Variants in TENM3 observed in about 807,000 individuals in gnomAD.
TENM3 encodes teneurin transmembrane protein 3, also known as teneurin-3.
TENM3 carries 63 observed loss-of-function variants against 255.1 expected under a neutral mutation model. The ratio of observed to expected loss-of-function variants is 0.25; its 90% CI spans 0.20 to 0.30. TENM3 has a LOEUF of 0.30. Among genes scored for constraint, TENM3 ranks in the 10% least tolerant of loss-of-function variants. The probability of loss-of-function intolerance (pLI) is 1.00; values close to 1 mark genes in which losing one functional copy is unlikely to be tolerated. For synonymous variants in TENM3, 1,306 were observed against 1,322.3 expected, an observed-to-expected ratio of 0.99 and a Z score of 0.27; for missense variants, 2,929 against 3,461.1, an observed-to-expected ratio of 0.85 and a Z score of 3.86.
At position 182,184,812 on chromosome 4, in the gene TENM3, C is replaced by T. The variant is rs1305433079; in HGVS notation, c.-76+40058C>T. On this transcript the variant is annotated intron_variant, in intron 1 of 2. Coordinates refer to the TENM3 transcript ENST00000512480. ...GTGAAAAACCTCTATTTTGGCCGGG[C>T]GTGGTGGCTCACACCTGTGATCCCT... Among the ~76,000 whole-genome samples the T allele has an allele frequency of 5.9e-5, 9 of 152,004 alleles. No individual in the cohort carries two copies. In the South Asian group the frequency reaches 6.2e-4, roughly 11 times the overall value.
At chr4:182,051,521 G>A in the TENM3 span, among the ~76,000 whole-genome samples, 1 of 151,662 alleles carries the variant, frequency 6.6e-6, no homozygotes, top group African/African-American at 2.4e-5. Flanking sequence ...GGGACTACAG[G>A]CGCCTGCCAC....
chr4:181,671,540 C>T, the TENM3 span, among the ~76,000 whole-genome samples: 1 of 152,084 alleles, frequency 6.6e-6, no homozygotes, highest in Non-Finnish European at 1.5e-5. Flanking sequence ...AACAATAATA[C>T]CTGCCTCACA....
chr4:182,327,103 G>A (rs955532), intron 2 of TENM3, among the ~76,000 whole-genome samples: 70,258 of 151,930 alleles, frequency 0.46, 16,776 homozygotes, highest in Non-Finnish European at 0.52. Context: ...AGCATAATGA[G>A]AAATCCTTCC....
At position 182,793,895 on chromosome 4, in the gene TENM3, T is replaced by C. The variant is rs1766299059; in HGVS notation, c.7213+10T>C. On this transcript the variant is annotated intron_variant, in intron 26 of 27. Coordinates refer to ENST00000511685, the MANE Select transcript of TENM3 (RefSeq NM_001080477.4). The surrounding 1 kb of genome is among the most constrained non-coding windows in gnomAD (Gnocchi z 5.7). ...AAAGATTACATCACAGGTAAGCATT[T>C]TGATTCCTTCCCAAGAGCTGGAGGA... 6.3e-7 allele frequency: 1 copy of C among 1,584,488 alleles called. No homozygotes were observed. The highest frequency in any genetic ancestry group is 1.4e-5 in the African/African-American group (1 of 73,898).
intron 24 of TENM3, among the ~76,000 whole-genome samples, chr4:182,777,162 G>A (rs1764742870): frequency 6.6e-6 from 1 of 151,938 alleles, no homozygotes; most frequent in Non-Finnish European, 1.5e-5. Flanking sequence ...AGCCCAAAGA[G>A]CCACCCATTT....
chr4:181,597,614 T>C, the TENM3 span, among the ~76,000 whole-genome samples: 2 of 152,230 alleles, frequency 1.3e-5, no homozygotes, highest in Non-Finnish European at 2.9e-5. Context: ...ATTGCCTAAT[T>C]GATATACCAC....
the TENM3 span, among the ~76,000 whole-genome samples, chr4:181,474,574 A>G: frequency 6.6e-6 from 1 of 152,030 alleles, no homozygotes; most frequent in Non-Finnish European, 1.5e-5. Flanking sequence ...TCTCTACTAA[A>G]AACACAAAAA....
chr4:181,527,611 C>T, the TENM3 span, among the ~76,000 whole-genome samples: 2 of 150,068 alleles, frequency 1.3e-5, no homozygotes, highest in Non-Finnish European at 3.0e-5. Flanking sequence ...AGCCACCATG[C>T]CCAGCCAGGT....
the TENM3 span, among the ~76,000 whole-genome samples, chr4:181,779,583 T>C: frequency 2.0e-5 from 3 of 152,104 alleles, no homozygotes; most frequent in Non-Finnish European, 2.9e-5. Flanking sequence ...TCAATACTTA[T>C]TTATATAATT....
At chr4:182,703,829 G>A (rs1159261619) in intron 12 of TENM3, among the ~76,000 whole-genome samples, 1 of 152,104 alleles carries the variant, frequency 6.6e-6, no homozygotes, top group African/African-American at 2.4e-5. Flanking sequence ...TAAATGTTGT[G>A]AATAGACAAA....
intron 1 of TENM3, among the ~76,000 whole-genome samples, chr4:182,202,433 G>C (rs187898711): frequency 0.053 from 7,964 of 150,744 alleles, 277 homozygotes; most frequent in Non-Finnish European, 0.076. Flanking sequence ...AGCCTCCCAA[G>C]CAGCTGGGAT....
chr4:182,005,914 G>A, the TENM3 span, among the ~76,000 whole-genome samples: 2 of 152,114 alleles, frequency 1.3e-5, no homozygotes, highest in African/African-American at 4.8e-5. Flanking sequence ...TCTGCACATT[G>A]ATTTTGTATC....
chr4:181,985,089 C>T, the TENM3 span, among the ~76,000 whole-genome samples: 3 of 151,798 alleles, frequency 2.0e-5, no homozygotes, highest in Non-Finnish European at 4.4e-5. Flanking sequence ...TGACTCTTCA[C>T]CTGAATTGTA....
chr4:182,540,976 C>T (rs973811948), intron 3 of TENM3, among the ~76,000 whole-genome samples: 16 of 152,270 alleles, frequency 1.1e-4, no homozygotes, highest in East Asian at 5.8e-4. Flanking sequence ...ATTTACTGAG[C>T]ATTCACTCTG....
intron 1 of TENM3, among the ~76,000 whole-genome samples, chr4:182,196,221 G>A (rs1279641612): frequency 1.3e-5 from 2 of 152,046 alleles, no homozygotes; most frequent in African/African-American, 2.4e-5. Context: ...CCATTTCCCC[G>A]GAGTCTCTTC....
At chr4:181,718,033 T>G in the TENM3 span, among the ~76,000 whole-genome samples, 3 of 152,160 alleles carry the variant, frequency 2.0e-5, no homozygotes, top group African/African-American at 7.2e-5. Context: ...CTGAGAACAC[T>G]GGGCTGTGCA....
chr4:182,569,252 T>G (rs1234867391), intron 3 of TENM3, among the ~76,000 whole-genome samples: 2 of 152,122 alleles, frequency 1.3e-5, no homozygotes, highest in African/African-American at 4.8e-5. Flanking sequence ...GGCTCAAGTC[T>G]TCTTAGAAAA....
chr4:182,074,556 C>T, the TENM3 span, among the ~76,000 whole-genome samples: 1 of 152,188 alleles, frequency 6.6e-6, no homozygotes, highest in South Asian at 2.1e-4. Flanking sequence ...AGAATTAAAA[C>T]TCAAACTCCG....
At chr4:182,295,260 T>G (rs1037923764) in intron 1 of TENM3, among the ~76,000 whole-genome samples, 6 of 129,434 alleles carry the variant, frequency 4.6e-5, no homozygotes, top group East Asian at 2.0e-4. Context: ...GCTTTGCTTT[T>G]CTTTTTTTTT....
Sources: gnomAD v4.1 joint callset for allele counts (sites outside exome capture counted in the v4.1 genomes callset) on GRCh38, gnomAD v4.1.1 for gene constraint, Gnocchi (gnomAD v3.1) non-coding constraint, MANE v1.5 for transcripts, NCBI Gene and HGNC (gene_info 2026-07-23, HGNC 2026-07-21) for gene names.